The following PTPRG variants were observed in gnomAD, a reference collection of about 807,000 sequenced individuals.
PTPRG encodes the protein receptor-type tyrosine-protein phosphatase gamma.
A neutral mutation model predicts 165.3 loss-of-function variants in PTPRG; 102 were observed. That is an observed-to-expected ratio of 0.62 (90% CI 0.53 to 0.73). The LOEUF is 0.73. Among genes scored for constraint, PTPRG ranks in the 30% least tolerant of loss-of-function variants. The pLI, the probability that PTPRG is intolerant of heterozygous loss-of-function variation, is 0.00. For synonymous variants in PTPRG, 675 were observed against 669.5 expected (o/e 1.01, Z -0.13); for missense variants, 1,866 against 1,861.4 (o/e 1.00, Z -0.05).
At chr3:61,796,199 A>G (rs1393097841) in intron 2 of PTPRG, among the ~76,000 whole-genome samples, 1 of 152,242 alleles carries the variant, frequency 6.6e-6, no homozygotes. Context: ...TTAAAGAGAC[A>G]GATCACCCAG....
At chr3:61,592,421 A>G (rs1700593813) in intron 1 of PTPRG, among the ~76,000 whole-genome samples, 1 of 152,124 alleles carries the variant, frequency 6.6e-6, no homozygotes, top group African/African-American at 2.4e-5. Flanking sequence ...GATGAGCCCA[A>G]ACTGCTTGGA....
At chr3:61,813,534 AAAG>A (rs1352542061) in intron 2 of PTPRG, among the ~76,000 whole-genome samples, 3 of 134,202 alleles carry the variant, frequency 2.2e-5, no homozygotes, top group Non-Finnish European at 4.7e-5. Context: ...AAAAAAGAAA[AAAG>A]AAAATCTGTG....
At chr3:62,118,237 T>C (rs573192512) in intron 5 of PTPRG, 2 of 152,392 alleles carry the variant, frequency 1.3e-5, no homozygotes, top group South Asian at 2.1e-4. Context: ...ATGAGCTCTC[T>C]GTTCCAATTG....
chr3:62,129,916 A>T (rs1703450347), intron 5 of PTPRG, among the ~76,000 whole-genome samples: 1 of 152,204 alleles, frequency 6.6e-6, no homozygotes, highest in African/African-American at 2.4e-5. Context: ...TATTACTGGG[A>T]AACTTTTAAG....
chr3:61,848,548 A>G (rs1386070922), intron 2 of PTPRG, among the ~76,000 whole-genome samples: 1 of 152,218 alleles, frequency 6.6e-6, no homozygotes, highest in African/African-American at 2.4e-5. Context: ...AATATATCTT[A>G]TAGCAACTCA....
Position 62,079,150 on chromosome 3 carries a change from T to C in PTPRG, c.615+892T>C, listed in dbSNP as rs374889703. ...TCTGCCTTTTTGAGCAAGTTTGTCA[T>C]TGAGGTGGAGCCATTCTTGTTTGGA... On this transcript the variant is annotated intron_variant, in intron 5 of 29. Transcript: ENST00000474889. Among the ~76,000 whole-genome samples the C allele has an allele frequency of 3.9e-5, 6 of 152,372 alleles. No individual in the cohort carries two copies. In the South Asian group the frequency reaches 6.2e-4, roughly 16 times the overall value.
intron 2 of PTPRG, among the ~76,000 whole-genome samples, chr3:61,888,522 G>A (rs200058282): frequency 3.9e-5 from 6 of 152,102 alleles, no homozygotes; most frequent in African/African-American, 1.4e-4. Context: ...TAGTAGAGAC[G>A]GGGTTTCACC....
At chr3:61,611,976 T>C (rs1202584066) in intron 1 of PTPRG, among the ~76,000 whole-genome samples, 1 of 152,170 alleles carries the variant, frequency 6.6e-6, no homozygotes, top group Non-Finnish European at 1.5e-5. Flanking sequence ...GGAGTCCTGC[T>C]CCATTGCCCA....
At chr3:61,874,350 C>T (rs1024909928) in intron 2 of PTPRG, among the ~76,000 whole-genome samples, 2 of 152,190 alleles carry the variant, frequency 1.3e-5, no homozygotes, top group Admixed American at 1.3e-4. Context: ...CACAATTTAT[C>T]TAGCCAATGC....
intron 2 of PTPRG, among the ~76,000 whole-genome samples, chr3:61,905,722 C>T (rs1442378065): frequency 1.3e-5 from 2 of 152,196 alleles, no homozygotes; most frequent in Non-Finnish European, 2.9e-5. Context: ...TTGATTTTCA[C>T]TCTTTCTATG....
At chr3:62,197,447 C>G (rs905714087) in intron 10 of PTPRG, among the ~76,000 whole-genome samples, 4 of 152,212 alleles carry the variant, frequency 2.6e-5, no homozygotes, top group African/African-American at 9.6e-5. Context: ...TCCATTTAAA[C>G]TAATGGAAAT....
intron 2 of PTPRG, among the ~76,000 whole-genome samples, chr3:61,806,865 G>C (rs1267586989): frequency 6.6e-6 from 1 of 152,138 alleles, no homozygotes; most frequent in Non-Finnish European, 1.5e-5. Context: ...TTCATACTCC[G>C]TGGCTTGTGT....
chr3:62,053,327 T>C (rs1369916793), intron 4 of PTPRG, among the ~76,000 whole-genome samples: 2 of 146,118 alleles, frequency 1.4e-5, no homozygotes, highest in African/African-American at 2.5e-5. Flanking sequence ...AGTGCAGTGG[T>C]GCTATCTCAG....
chr3:61,725,438 G>A (rs2032217840), intron 1 of PTPRG, among the ~76,000 whole-genome samples: 1 of 152,020 alleles, frequency 6.6e-6, no homozygotes, highest in South Asian at 2.1e-4. Context: ...ATGTCCAATT[G>A]CTCCAGCACC....
intron 2 of PTPRG, among the ~76,000 whole-genome samples, chr3:61,809,158 A>G (rs754993556): frequency 2.0e-5 from 3 of 150,984 alleles, no homozygotes; most frequent in Non-Finnish European, 3.0e-5. Context: ...TCTTATTATT[A>G]TCACGGTGGG....
chr3:61,922,229 C>A (rs1373495501), intron 2 of PTPRG, among the ~76,000 whole-genome samples: 1 of 152,182 alleles, frequency 6.6e-6, no homozygotes, highest in Non-Finnish European at 1.5e-5. Flanking sequence ...AAATACAATT[C>A]ACAAGTAATT....
intron 2 of PTPRG, among the ~76,000 whole-genome samples, chr3:61,937,780 C>T (rs917896522): frequency 1.3e-5 from 2 of 152,208 alleles, no homozygotes; most frequent in Non-Finnish European, 2.9e-5. Context: ...GCCACTTCCA[C>T]CTCCCAGCTC....
intron 1 of PTPRG, among the ~76,000 whole-genome samples, chr3:61,618,527 C>T (rs1206955427): frequency 2.0e-5 from 3 of 152,094 alleles, no homozygotes; most frequent in Non-Finnish European, 2.9e-5. Context: ...AAGCTGGTTT[C>T]TTTAACTGTT....
Position 62,090,489 on chromosome 3 carries a change from C to T in PTPRG, c.615+12231C>T, listed in dbSNP as rs78640884. On this transcript the variant is annotated intron_variant, in intron 5 of 29. Transcript: ENST00000474889. ...GAACTTAGTAGCACAGCTACTCCCC[C>T]GCTGCCCTTTTTAATGGCTGTCAGA... 6.8e-3 allele frequency among the ~76,000 whole-genome samples: 1,035 copies of T among 152,242 alleles called. 6 individuals are homozygous for T. The highest frequency in any genetic ancestry group is 0.019 in the African/African-American group (785 of 41,534).
Sources: allele counts gnomAD v4.1 joint callset (sites outside exome capture counted in the v4.1 genomes callset), GRCh38; gene constraint gnomAD v4.1.1; transcripts MANE v1.5; gene names NCBI Gene and HGNC (gene_info 2026-07-23, HGNC 2026-07-21).